The following PLEKHA2 variants were observed in gnomAD, a reference collection of about 807,000 sequenced individuals.
The protein encoded by PLEKHA2 is pleckstrin homology domain containing A2.
PLEKHA2 carries 28 observed loss-of-function variants against 53.2 expected under a neutral mutation model. That is an observed-to-expected ratio of 0.53 (90% CI 0.39 to 0.72). The LOEUF (loss-of-function observed/expected upper bound fraction) is 0.72, where lower values mean the gene tolerates loss of function less well. Among genes scored for constraint, PLEKHA2 ranks in the 30% least tolerant of loss-of-function variants. The pLI, the probability that PLEKHA2 is intolerant of heterozygous loss-of-function variation, is 0.00. For missense variants in PLEKHA2, 426 were observed against 537.9 expected (o/e 0.79, Z 2.06); for synonymous variants, 193 against 196.4 (o/e 0.98, Z 0.14).
intron 10 of PLEKHA2, among the ~76,000 whole-genome samples, chr8:38,965,885 G>T (rs1835126286): frequency 6.6e-6 from 1 of 152,126 alleles, no homozygotes; most frequent in African/African-American, 2.4e-5. Context: ...CCTAATTGAG[G>T]TCATTTAATT....
In PLEKHA2 at chr8:38,910,341, A is replaced by G. The variant is rs113660266; in HGVS notation, c.-23-7566A>G. Among the ~76,000 whole-genome samples the G allele has an allele frequency of 3.9e-5, 6 of 152,222 alleles. 2 individuals carry two copies. Among genetic ancestry groups the G allele is most frequent in the African/African-American group, 1.4e-4 (6 of 41,534 alleles). ...TTTGTTTGTGAGAGACAGAGAAGAG[A>G]GGGAGAGAGAGAATGAAGGAGAGAG... On this transcript the variant is annotated intron_variant, in intron 1 of 11. Transcript: ENST00000617275.
intron 10 of PLEKHA2, among the ~76,000 whole-genome samples, chr8:38,966,315 G>A (rs1835134564): frequency 6.7e-6 from 1 of 149,778 alleles, no homozygotes. Flanking sequence ...ATGGGGGGAT[G>A]AGGGGGGATG....
At chr8:38,957,023 G>T (rs1026726091) in intron 9 of PLEKHA2, among the ~76,000 whole-genome samples, 2 of 152,192 alleles carry the variant, frequency 1.3e-5, no homozygotes, top group Non-Finnish European at 2.9e-5. Flanking sequence ...GATGGTGGTG[G>T]TGGGGTTGGA....
intron 2 of PLEKHA2, among the ~76,000 whole-genome samples, chr8:38,929,394 T>A (rs1380573736): frequency 6.6e-6 from 1 of 152,272 alleles, no homozygotes; most frequent in African/African-American, 2.4e-5. Context: ...CCTCTTTTGG[T>A]GTAACCCTGC....
At chr8:38,925,150 T>G (rs1192063658) in intron 2 of PLEKHA2, among the ~76,000 whole-genome samples, 2 of 152,238 alleles carry the variant, frequency 1.3e-5, no homozygotes, top group Non-Finnish European at 2.9e-5. Context: ...TTCTTCATCT[T>G]GCATGCAATC....
chr8:38,942,304 G>A (rs942535297), intron 3 of PLEKHA2, among the ~76,000 whole-genome samples: 3 of 152,102 alleles, frequency 2.0e-5, no homozygotes, highest in Non-Finnish European at 4.4e-5. Flanking sequence ...TCAGGAGGGT[G>A]AGGTGGAAGG....
intron 10 of PLEKHA2, among the ~76,000 whole-genome samples, chr8:38,962,814 G>A (rs983907341): frequency 1.1e-4 from 17 of 152,236 alleles, no homozygotes; most frequent in African/African-American, 3.9e-4. Context: ...GTGGACTCAA[G>A]TGAGTTGCAG....
Position 38,973,166 on chromosome 8 carries a change from T to TA in PLEKHA2, c.*3388dup. The TA allele has an allele frequency of 6.6e-6, 1 of 152,308 alleles. No homozygotes were observed. Among genetic ancestry groups the TA allele is most frequent in the African/African-American group, 2.4e-5 (1 of 41,566 alleles). 9.4% of individuals were successfully genotyped at this position (152,308 alleles called of 1,614,324 possible). On this transcript the variant is annotated 3_prime_UTR_variant, in exon 12 of 12. Coordinates refer to ENST00000617275, the MANE Select transcript of PLEKHA2 (RefSeq NM_021623.2). ...TTACTCAATGTCAGCTGATGGTTGG[T>TA]AAAAATAATTTGGCCTTTAGTGTTA...
rs773441680 is a variant in PLEKHA2 at position 38,969,472 on chromosome 8, C to A, written c.967C>A (p.Leu323Ile). 1.2e-6 allele frequency: 2 copies of A among 1,613,778 alleles called. No homozygotes were observed. The highest frequency in any genetic ancestry group is 3.3e-5 in the Admixed American group (2 of 59,970). ...ISLTRPGSSS[L>I]SSGPNSILCR... ...TTTGACCCGACCTGGAAGCTCCAGC[C>A]TTTCAAGTGGGCCCAACTCTATCCT... Residue 323 changes from leucine to isoleucine, a missense_variant, in exon 12 of 12, where the codon CTT (leucine) becomes ATT (isoleucine). Coordinates refer to ENST00000617275, the MANE Select transcript of PLEKHA2 (RefSeq NM_021623.2).
chr8:38,954,468 G>C (rs542655782), intron 9 of PLEKHA2, among the ~76,000 whole-genome samples: 1 of 152,316 alleles, frequency 6.6e-6, no homozygotes, highest in African/African-American at 2.4e-5. Flanking sequence ...CATGGGGGAA[G>C]CTTAGAGAAC....
rs1330288143 is a variant in PLEKHA2 at position 38,972,638 on chromosome 8, G to C, written c.*2855G>C. 1 of 152,048 alleles carries C rather than the reference G, an allele frequency of 6.6e-6. No homozygotes were observed. The highest frequency in any genetic ancestry group is 1.5e-5 in the Non-Finnish European group (1 of 68,022). 9.4% of individuals were successfully genotyped at this position (152,048 alleles called of 1,614,324 possible). Reference sequence around the variant, plus strand: ...GTTTTGGACCATAATCTTTTAATGTGAACCAAAGATGGTACGTATTTGACC... The same window carrying C: ...GTTTTGGACCATAATCTTTTAATGTCAACCAAAGATGGTACGTATTTGACC... On this transcript the variant is annotated 3_prime_UTR_variant, in exon 12 of 12. Transcript: ENST00000617275.
At chr8:38,904,873 A>G (rs1460694272) in intron 1 of PLEKHA2, among the ~76,000 whole-genome samples, 1 of 152,240 alleles carries the variant, frequency 6.6e-6, no homozygotes, top group African/African-American at 2.4e-5. Context: ...GCACCCACAC[A>G]TGCAGTTTAA....
intron 3 of PLEKHA2, among the ~76,000 whole-genome samples, chr8:38,941,275 C>T (rs192760125): frequency 9.9e-5 from 15 of 152,234 alleles, no homozygotes; most frequent in Admixed American, 3.9e-4. Flanking sequence ...AGGCTGGTCT[C>T]GAACTCCTTA....
At chr8:38,943,353 A>G (rs1462484916) in intron 3 of PLEKHA2, among the ~76,000 whole-genome samples, 3 of 152,056 alleles carry the variant, frequency 2.0e-5, no homozygotes, top group African/African-American at 7.2e-5. Flanking sequence ...CTAGCCAGGC[A>G]TAGGGGCATT....
At position 38,967,322 on chromosome 8, in the gene PLEKHA2, G is replaced by T. The variant is rs182592703; in HGVS notation, c.838-1270G>T. 2.9e-3 allele frequency among the ~76,000 whole-genome samples: 444 copies of T among 152,170 alleles called. 4 individuals are homozygous for T. Among genetic ancestry groups the T allele is most frequent in the Non-Finnish European group, 4.7e-3 (322 of 68,014 alleles). On this transcript the variant is annotated intron_variant, in intron 10 of 11. Coordinates refer to ENST00000617275, the MANE Select transcript of PLEKHA2 (RefSeq NM_021623.2). ...TTTAAAGTTTTATTTTAGGTTTGGG[G>T]GCACATGTGAAGATATAATGATTTC...
chr8:38,952,791 G>A (rs181724553), intron 8 of PLEKHA2, 87 bp downstream of exon 8: 11 of 1,352,166 alleles, frequency 8.1e-6, no homozygotes, highest in Non-Finnish European at 1.1e-5. Context: ...GTGCATGAGT[G>A]GAGATGTGGG....
chr8:38,952,199 G>A lies in PLEKHA2; in HGVS notation c.520G>A (p.Gly174Arg), dbSNP rs754992056. The A allele has an allele frequency of 6.8e-6, 11 of 1,613,052 alleles. No individual in the cohort carries two copies. The highest frequency in any genetic ancestry group is 6.7e-5 in the East Asian group (3 of 44,872). The change falls in exon 7 of 12, where the codon GGG becomes AGG. Residue 174 changes from glycine to arginine, a missense_variant. Gly to Arg is a moderately radical substitution (Grantham distance 125). Transcript: ENST00000617275. The stretch of plus-strand genomic sequence containing the variant: ...GGATGGGCAGGAAGGGAGTGAGCCC[G>A]GGTCCCACACCATCCTTCGAAGGTC... ...GGDGQEGSEP[G>R]SHTILRRSQS...
At chr8:38,928,307 G>T (rs1364535046) in intron 2 of PLEKHA2, among the ~76,000 whole-genome samples, 45 of 145,332 alleles carry the variant, frequency 3.1e-4, no homozygotes. Context: ...GGAGTGCAGT[G>T]GTGTGATCTT....
chr8:38,921,196 G>A (rs1173953518), intron 2 of PLEKHA2, among the ~76,000 whole-genome samples: 1 of 152,168 alleles, frequency 6.6e-6, no homozygotes, highest in African/African-American at 2.4e-5. Context: ...ATGAGCCCTG[G>A]GTGACTTATG....
Sources: gnomAD v4.1 joint callset for allele counts (sites outside exome capture counted in the v4.1 genomes callset) on GRCh38, gnomAD v4.1.1 for gene constraint, MANE v1.5 for transcripts, NCBI Gene and HGNC (gene_info 2026-07-23, HGNC 2026-07-21) for gene names.